TPM4: variants seen among roughly 807,000 people sequenced by gnomAD.
The protein encoded by TPM4 is tropomyosin alpha-4 chain.
TPM4 carries 17 observed loss-of-function variants against 35.8 expected under a neutral mutation model. The ratio of observed to expected loss-of-function variants is 0.47; its 90% CI spans 0.32 to 0.71. The LOEUF is 0.71. Among genes scored for constraint, TPM4 ranks in the 30% least tolerant of loss-of-function variants. TPM4 has a pLI of 0.03. For missense variants in TPM4, 240 were observed against 320.9 expected, an observed-to-expected ratio of 0.75 and a Z score of 1.93; for synonymous variants, 120 against 122.9, an observed-to-expected ratio of 0.98 and a Z score of 0.15.
intron 7 of TPM4, among the ~76,000 whole-genome samples, chr19:16,098,257 A>C (rs947123381): frequency 4.6e-5 from 7 of 152,120 alleles, no homozygotes; most frequent in African/African-American, 1.7e-4. Context: ...AACCTGGTCA[A>C]CATGGTGAAA....
At position 16,067,585 on chromosome 19, in the gene TPM4, C is replaced by T. The variant is rs1957196611; in HGVS notation, c.-40C>T. The T allele has an allele frequency of 6.3e-7, 1 of 1,580,310 alleles. No individual in the cohort carries two copies. On this transcript the variant is annotated 5_prime_UTR_variant, in exon 2 of 3. Coordinates refer to the TPM4 transcript ENST00000589897. This position sits in a 1 kb window ranked among gnomAD's most constrained non-coding sequence, Gnocchi z 4.1. ...CCTGACTGCCGCAGCCCCCACAGAG[C>T]CCGCCGCGCACCCCACGTCCCCCAC...
At chr19:16,095,320 G>A (rs1445131603) in intron 7 of TPM4, 11 of 1,038,630 alleles carry the variant, frequency 1.1e-5, no homozygotes, top group African/African-American at 3.4e-5. Flanking sequence ...ACTGGACCAC[G>A]CTCTCAACGA....
chr19:16,102,885 A>G lies in TPM4; in HGVS notation c.*1539A>G, dbSNP rs1424458005. ...TTATTCAGCACCACACTACCCAGGAAATACACTAGCAAATTGTGCAATGGA... is the reference window on the plus strand; with the variant it reads ...TTATTCAGCACCACACTACCCAGGAGATACACTAGCAAATTGTGCAATGGA... On this transcript the variant is annotated 3_prime_UTR_variant, in exon 8 of 8. Coordinates refer to ENST00000643579, the MANE Select transcript of TPM4 (RefSeq NM_003290.3). The G allele has an allele frequency of 4.4e-6, 1 of 226,602 alleles. No homozygotes were observed. The highest frequency in any genetic ancestry group is 5.7e-5 in the Admixed American group (1 of 17,426). The allele number at this position is 226,602 out of a possible 1,614,324, so 14.0% of individuals were successfully genotyped here.
intron 5 of TPM4, among the ~76,000 whole-genome samples, chr19:16,090,077 C>T (rs1313054886): frequency 1.3e-5 from 2 of 151,874 alleles, no homozygotes; most frequent in Non-Finnish European, 1.5e-5. Flanking sequence ...GTGATCTGCC[C>T]GCCTCGCCCT....
At chr19:16,088,933 C>T (rs2090591779) in intron 4 of TPM4, 112 bp from the exon 5 acceptor site, 7 of 1,549,084 alleles carry the variant, frequency 4.5e-6, no homozygotes, top group Admixed American at 3.9e-5. Flanking sequence ...TTCTGCCCCC[C>T]ACCGGGGGAG....
At chr19:16,089,448 A>G (rs756736425) in intron 5 of TPM4, among the ~76,000 whole-genome samples, 13 of 152,218 alleles carry the variant, frequency 8.5e-5, no homozygotes, top group Non-Finnish European at 1.3e-4. Flanking sequence ...TGGTTCCTCC[A>G]GAAATACCAT....
intron 2 of TPM4, among the ~76,000 whole-genome samples, chr19:16,085,735 G>A (rs538739086): frequency 1.3e-5 from 2 of 152,266 alleles, no homozygotes; most frequent in East Asian, 1.9e-4. Context: ...CCATAGGGCA[G>A]TTGTGAAAGT....
intron 2 of TPM4, among the ~76,000 whole-genome samples, chr19:16,068,724 TAC>T (rs1419238512): frequency 2.0e-5 from 3 of 152,198 alleles, no homozygotes; most frequent in Non-Finnish European, 4.4e-5. Context: ...CGTGTGTGTG[TAC>T]ACATATTTGT....
chr19:16,092,358 G>C (rs536483049), intron 5 of TPM4, among the ~76,000 whole-genome samples: 2 of 151,876 alleles, frequency 1.3e-5, no homozygotes, highest in Non-Finnish European at 2.9e-5. Context: ...AAATACAGAG[G>C]GGGCCTTGAG....
At chr19:16,101,043 C>T (rs555073889) in intron 7 of TPM4, 378 of 364,692 alleles carry the variant, frequency 1.0e-3, no homozygotes, top group African/African-American at 5.6e-3. Flanking sequence ...TGGTGGCACG[C>T]GTCTGTAATC....
upstream of TPM4, among the ~76,000 whole-genome samples, chr19:16,071,948 C>A (rs2090360241): frequency 1.3e-5 from 2 of 152,176 alleles, no homozygotes; most frequent in African/African-American, 2.4e-5. Context: ...CTGAGGCTCA[C>A]AGAGGGACAA....
At chr19:16,101,162 C>A (rs920494408) in intron 7 of TPM4, 102 bp from the exon 8 acceptor site, 26 of 979,636 alleles carry the variant, frequency 2.7e-5, no homozygotes, top group Non-Finnish European at 7.3e-6. Flanking sequence ...CAGAATGAGA[C>A]CCTGTCTCAA....
chr19:16,081,867 G>C, intron 1 of TPM4, 46 bp from the exon 2 acceptor site: 4 of 1,529,156 alleles, frequency 2.6e-6, no homozygotes, highest in Non-Finnish European at 1.8e-6. Context: ...CCCACTGGTG[G>C]CTGGCCTGAT....
At chr19:16,093,294 C>G (rs767952788) in intron 5 of TPM4, among the ~76,000 whole-genome samples, 1 of 151,990 alleles carries the variant, frequency 6.6e-6, no homozygotes, top group South Asian at 2.1e-4. Context: ...CTCCCAGGTT[C>G]GAGTGAGTCT....
At chr19:16,087,388 C>T (rs1388643082) in intron 3 of TPM4, among the ~76,000 whole-genome samples, 1 of 152,078 alleles carries the variant, frequency 6.6e-6, no homozygotes, top group Admixed American at 6.6e-5. Flanking sequence ...ACCAGCCTGG[C>T]CAACGTGGTG....
At position 16,089,036 on chromosome 19, in the gene TPM4, T is replaced by C; in HGVS notation, c.456-9T>C. On this transcript the variant is annotated splice_polypyrimidine_tract_variant and intron_variant, in intron 4 of 7. Transcript: ENST00000643579. ...AGATAAGACACAAAAATCCTTTGTC[T>C]TTGTGCAGAAAATGTGGTGACCTGG... 6.2e-7 allele frequency: 1 copy of C among 1,614,092 alleles called. No individual in the cohort carries two copies. The highest frequency in any genetic ancestry group is 8.5e-7 in the Non-Finnish European group (1 of 1,179,982).
chr19:16,096,882 A>G (rs183096328), intron 7 of TPM4, among the ~76,000 whole-genome samples: 2 of 150,074 alleles, frequency 1.3e-5, no homozygotes, highest in African/African-American at 2.4e-5. Context: ...ACCTGTGGGT[A>G]ATAAAAGGTC....
Position 16,067,604 on chromosome 19 carries a change from C to G in TPM4, c.-21C>G. The G allele has an allele frequency of 1.9e-6, 3 of 1,608,148 alleles. No homozygotes were observed. Among genetic ancestry groups the G allele is most frequent in the Non-Finnish European group, 2.5e-6 (3 of 1,176,900 alleles). On this transcript the variant is annotated 5_prime_UTR_variant, in exon 2 of 3. Coordinates refer to the TPM4 transcript ENST00000589897. This position sits in a 1 kb window ranked among gnomAD's most constrained non-coding sequence, Gnocchi z 4.1. ...ACAGAGCCCGCCGCGCACCCCACGT[C>G]CCCCACGCCAGCGCCCAGCCATGGA... is the stretch of plus-strand genomic sequence containing the variant.
chr19:16,085,966 G>A (rs756007877), intron 2 of TPM4, among the ~76,000 whole-genome samples: 1 of 151,914 alleles, frequency 6.6e-6, no homozygotes, highest in Non-Finnish European at 1.5e-5. Flanking sequence ...CTATGCTGGA[G>A]GCTGAGACAG....
Sources: allele counts gnomAD v4.1 joint callset (sites outside exome capture counted in the v4.1 genomes callset), GRCh38; gene constraint gnomAD v4.1.1; non-coding constraint Gnocchi (gnomAD v3.1); transcripts MANE v1.5; gene names NCBI Gene and HGNC (gene_info 2026-07-23, HGNC 2026-07-21).